Variants in MLF1 observed in about 807,000 individuals in gnomAD.
The protein encoded by MLF1 is myeloid leukemia factor 1.
MLF1 carries 37 observed loss-of-function variants against 38.3 expected under a neutral mutation model. That is an observed-to-expected ratio of 0.96 (90% CI 0.74 to 1.27). The LOEUF (loss-of-function observed/expected upper bound fraction) is 1.27. Ranked by LOEUF, MLF1 falls within the 50% of genes most tolerant of loss-of-function variation. MLF1 has a pLI of 0.00. For missense variants in MLF1, 331 were observed against 349.2 expected (o/e 0.95, Z 0.42); for synonymous variants, 95 against 106.5 (o/e 0.89, Z 0.66).
intron 1 of MLF1, among the ~76,000 whole-genome samples, chr3:158,580,873 C>T (rs1034135781): frequency 9.2e-5 from 14 of 151,842 alleles, no homozygotes; most frequent in Non-Finnish European, 2.9e-5. Flanking sequence ...ATCAATTGAG[C>T]TTAGGAGGTC....
intron 1 of MLF1, among the ~76,000 whole-genome samples, chr3:158,574,502 T>C (rs1010449757): frequency 4.1e-5 from 3 of 74,042 alleles, no homozygotes; most frequent in Non-Finnish European, 7.3e-5. Flanking sequence ...ACCCCATCTG[T>C]ACTAAAAAAA....
At chr3:158,586,330 C>A (rs909483193) in intron 1 of MLF1, among the ~76,000 whole-genome samples, 1 of 151,196 alleles carries the variant, frequency 6.6e-6, no homozygotes, top group African/African-American at 2.4e-5. Flanking sequence ...GAATGAGAAC[C>A]AGATTGTCAT....
chr3:158,582,090 G>T (rs1054597636), intron 1 of MLF1, among the ~76,000 whole-genome samples: 4 of 152,098 alleles, frequency 2.6e-5, no homozygotes, highest in African/African-American at 9.7e-5. Context: ...TGAGGCAGGA[G>T]AATCACTTGA....
chr3:158,589,637 TAA>T (rs1717832705), intron 1 of MLF1, among the ~76,000 whole-genome samples: 1 of 152,214 alleles, frequency 6.6e-6, no homozygotes, highest in East Asian at 1.9e-4. Flanking sequence ...TTGTATATTT[TAA>T]AATTAAAATT....
At chr3:158,575,618 A>T (rs1715310366) in intron 1 of MLF1, among the ~76,000 whole-genome samples, 1 of 152,172 alleles carries the variant, frequency 6.6e-6, no homozygotes, top group Non-Finnish European at 1.5e-5. Context: ...TGAAACACAT[A>T]GCTCATGCCC....
At chr3:158,595,287 T>G (rs1273587364) in intron 3 of MLF1, among the ~76,000 whole-genome samples, 1 of 152,064 alleles carries the variant, frequency 6.6e-6, no homozygotes, top group Non-Finnish European at 1.5e-5. Context: ...GGAGGAAACA[T>G]TTAAGGAAGA....
intron 1 of MLF1, among the ~76,000 whole-genome samples, chr3:158,584,881 T>C (rs553646075): frequency 1.3e-5 from 2 of 151,222 alleles, no homozygotes; most frequent in Middle Eastern, 3.2e-3. Context: ...TACAAAAAAA[T>C]ACAAAAATTA....
intron 4 of MLF1, among the ~76,000 whole-genome samples, chr3:158,597,659 G>A (rs922626681): frequency 2.0e-5 from 3 of 152,046 alleles, no homozygotes; most frequent in African/African-American, 4.8e-5. Context: ...GAGGAGGTAC[G>A]AAACTTGATG....
intron 3 of MLF1, among the ~76,000 whole-genome samples, chr3:158,596,441 T>C (rs1718891412): frequency 6.6e-6 from 1 of 152,142 alleles, no homozygotes; most frequent in Non-Finnish European, 1.5e-5. Flanking sequence ...TGGCATCTTA[T>C]ACGCAAATTT....
chr3:158,574,406 G>A (rs138570050), intron 1 of MLF1, among the ~76,000 whole-genome samples: 813 of 150,288 alleles, frequency 5.4e-3, no homozygotes, highest in Non-Finnish European at 7.8e-3. Flanking sequence ...GGTGGCTCAC[G>A]CTTGTAATTC....
chr3:158,580,804 A>T (rs1026466446), intron 1 of MLF1, among the ~76,000 whole-genome samples: 1 of 140,700 alleles, frequency 7.1e-6, no homozygotes, highest in Non-Finnish European at 1.6e-5. Flanking sequence ...AAAAAAAAAA[A>T]TTATCCAGGC....
Position 158,584,727 on chromosome 3 carries a change from CT to C in MLF1, c.48-7706del, listed in dbSNP as rs201478369. Among the ~76,000 whole-genome samples, 646 of 150,220 alleles carry C rather than the reference CT, an allele frequency of 4.3e-3. 7 individuals carry two copies. The highest frequency in any genetic ancestry group is 0.014 in the African/African-American group (582 of 40,824). Reference sequence around the variant, plus strand: ...TACTTTTTTATGTATATACCCCCCCCTACCAATAGAAAGTCTAACAGGGATG... The same window carrying C: ...TACTTTTTTATGTATATACCCCCCCCACCAATAGAAAGTCTAACAGGGATG... On this transcript the variant is annotated intron_variant, in intron 1 of 7. Coordinates refer to ENST00000466246, the MANE Select transcript of MLF1 (RefSeq NM_001369783.1).
At position 158,592,468 on chromosome 3, in the gene MLF1, CAG is replaced by C; in HGVS notation, c.84_85del (p.Gln28HisfsTer7). The C allele has an allele frequency of 6.2e-7, 1 of 1,609,784 alleles. No homozygotes were observed. Among genetic ancestry groups the C allele is most frequent in the Non-Finnish European group, 8.5e-7 (1 of 1,178,460 alleles). On this transcript the variant is annotated frameshift_variant, in exon 2 of 8. Coordinates refer to ENST00000466246, the MANE Select transcript of MLF1 (RefSeq NM_001369783.1). LOFTEE classifies it high-confidence loss of function. ...TCTTGCACACCGAGAAAATATGCGA[CAG>C]ATGATAAGAAGTTTTTCTGAACCCT... ...SILAHRENMR[Q>X]MIRSFSEPFG...
chr3:158,579,050 C>G (rs1560096888), intron 1 of MLF1, among the ~76,000 whole-genome samples: 1 of 152,064 alleles, frequency 6.6e-6, no homozygotes. Context: ...AAGCATATTT[C>G]TCACATAAAT....
chr3:158,580,113 C>G (rs145974275), intron 1 of MLF1, among the ~76,000 whole-genome samples: 1 of 152,174 alleles, frequency 6.6e-6, no homozygotes, highest in Non-Finnish European at 1.5e-5. Flanking sequence ...CTACTTGAAA[C>G]TCTGTACCTT....
rs78678677 is a variant in MLF1, at chr3:158,591,048, A to G, written c.48-1386A>G. 3.0e-3 allele frequency: 1,433 copies of G among 474,534 alleles called. 19 individuals carry two copies. The highest frequency in any genetic ancestry group is 0.026 in the African/African-American group (1,316 of 50,528). 29.4% of individuals were successfully genotyped at this position (474,534 alleles called of 1,614,324 possible). On this transcript the variant is annotated intron_variant, in intron 1 of 7. Coordinates refer to ENST00000466246, the MANE Select transcript of MLF1 (RefSeq NM_001369783.1). The stretch of plus-strand genomic sequence containing the variant: ...GAATAGGTTTATGTATACAAATACT[A>G]TGAAATTCAGAGGAAAAGCTCTTTC...
chr3:158,602,703 A>G (rs1181867431), intron 6 of MLF1, 104 bp from the exon 7 acceptor site: 3 of 1,094,026 alleles, frequency 2.7e-6, no homozygotes, highest in Non-Finnish European at 3.9e-6. Context: ...TATTGAGGTT[A>G]CACTAATGAA....
chr3:158,592,372 C>G (rs545963559), intron 1 of MLF1, 62 bp from the exon 2 acceptor site: 4 of 1,399,466 alleles, frequency 2.9e-6, no homozygotes, highest in Non-Finnish European at 3.8e-6. Context: ...TAATATTTAC[C>G]TGCCTACTTA....
intron 5 of MLF1, among the ~76,000 whole-genome samples, chr3:158,599,673 C>G (rs1719453253): frequency 6.6e-6 from 1 of 152,056 alleles, no homozygotes; most frequent in Non-Finnish European, 1.5e-5. Context: ...ATTAGTTGCC[C>G]TTATTTGTAG....
Sources: gnomAD v4.1 joint callset for allele counts (sites outside exome capture counted in the v4.1 genomes callset) on GRCh38, gnomAD v4.1.1 for gene constraint, MANE v1.5 for transcripts, NCBI Gene and HGNC (gene_info 2026-07-23, HGNC 2026-07-21) for gene names.